Variants in DGKB observed in about 807,000 individuals in gnomAD.
DGKB encodes diacylglycerol kinase beta, also known as 90 kDa diacylglycerol kinase.
DGKB carries 67 observed loss-of-function variants against 114.3 expected under a neutral mutation model. The ratio of observed to expected loss-of-function variants is 0.59; its 90% confidence interval spans 0.48 to 0.72. The LOEUF (loss-of-function observed/expected upper bound fraction) is 0.72, where lower values mean the gene tolerates loss of function less well. Ranked by LOEUF, DGKB falls within the 30% of genes least tolerant of loss-of-function variation. The pLI, the probability that DGKB is intolerant of heterozygous loss-of-function variation, is 0.00. For missense variants in DGKB, 907 were observed against 975.2 expected (o/e 0.93, Z 0.93); for synonymous variants, 398 against 323.1 (o/e 1.23, Z -2.49).
chr7:14,915,681 G>GA (rs138027578), intron 1 of DGKB, among the ~76,000 whole-genome samples: 2 of 151,894 alleles, frequency 1.3e-5, no homozygotes, highest in Non-Finnish European at 2.9e-5. Context: ...AGTGTGGAAA[G>GA]AAAAAAACCC....
At chr7:14,739,676 C>A in intron 4 of DGKB, among the ~76,000 whole-genome samples, 1 of 152,082 alleles carries the variant, frequency 6.6e-6, no homozygotes, top group Middle Eastern at 3.2e-3. Flanking sequence ...ACCCAAGAAT[C>A]TCTTTCACTT....
At chr7:14,878,770 A>C (rs1414704731) in intron 1 of DGKB, among the ~76,000 whole-genome samples, 194 of 140,178 alleles carry the variant, frequency 1.4e-3, no homozygotes, top group Non-Finnish European at 2.1e-3. Context: ...AAAAAAAAAC[A>C]AAAAAAAAAA....
intron 21 of DGKB, among the ~76,000 whole-genome samples, chr7:14,382,206 G>A (rs1047746333): frequency 6.6e-6 from 1 of 152,146 alleles, no homozygotes; most frequent in Non-Finnish European, 1.5e-5. Context: ...ATTAGAAGAG[G>A]AGACTGGGGA....
chr7:14,363,048 C>T (rs1282564312), intron 21 of DGKB, among the ~76,000 whole-genome samples: 1 of 152,062 alleles, frequency 6.6e-6, no homozygotes, highest in Non-Finnish European at 1.5e-5. Context: ...CATGAGACCT[C>T]CATGTTAATA....
At chr7:14,313,259 GCGGGGAGGA>G (rs1007006372) in intron 23 of DGKB, among the ~76,000 whole-genome samples, 1 of 145,180 alleles carries the variant, frequency 6.9e-6, no homozygotes, top group Non-Finnish European at 1.5e-5. Flanking sequence ...ACAACATATT[GCGGGGAGGA>G]GCCAAGATGG....
chr7:14,858,647 T>C (rs1850521680), intron 1 of DGKB, among the ~76,000 whole-genome samples: 1 of 152,038 alleles, frequency 6.6e-6, no homozygotes, highest in Non-Finnish European at 1.5e-5. Flanking sequence ...TGAGGGATAT[T>C]AAGTTGTCAC....
intron 2 of DGKB, among the ~76,000 whole-genome samples, chr7:14,790,064 T>G (rs1840448017): frequency 6.6e-6 from 1 of 152,240 alleles, no homozygotes; most frequent in African/African-American, 2.4e-5. Flanking sequence ...GCTTTCCATG[T>G]GCTTATTTAC....
intron 12 of DGKB, among the ~76,000 whole-genome samples, chr7:14,674,476 G>A (rs1259072874): frequency 6.6e-6 from 1 of 152,124 alleles, no homozygotes; most frequent in African/African-American, 2.4e-5. Context: ...CTTAGAATCT[G>A]CCATGGCCAT....
chr7:14,763,036 A>T (rs998535270), intron 2 of DGKB, among the ~76,000 whole-genome samples: 24 of 152,050 alleles, frequency 1.6e-4, no homozygotes, highest in African/African-American at 5.1e-4. Context: ...TCAAAATATG[A>T]TCCAAATCTA....
At chr7:14,310,606 T>C (rs1294015143) in intron 23 of DGKB, among the ~76,000 whole-genome samples, 1 of 152,204 alleles carries the variant, frequency 6.6e-6, no homozygotes, top group East Asian at 1.9e-4. Flanking sequence ...TCCACAACTC[T>C]CTATCTTTTG....
intron 13 of DGKB, among the ~76,000 whole-genome samples, chr7:14,630,700 T>C (rs1024588957): frequency 2.0e-5 from 3 of 152,098 alleles, no homozygotes; most frequent in Admixed American, 1.3e-4. Context: ...ATGATGTTCA[T>C]TTTGTTTTGT....
intron 23 of DGKB, among the ~76,000 whole-genome samples, chr7:14,275,575 T>C (rs955615352): frequency 6.6e-5 from 10 of 152,212 alleles, no homozygotes; most frequent in African/African-American, 2.4e-4. Context: ...GTGGAACTTT[T>C]AATAGCGCCA....
intron 1 of DGKB, among the ~76,000 whole-genome samples, chr7:14,928,460 C>A (rs1005950155): frequency 3.3e-5 from 5 of 151,766 alleles, no homozygotes; most frequent in African/African-American, 1.2e-4. Context: ...TACAGAATTT[C>A]TCTGTTCTTT....
At chr7:14,908,382 C>A (rs1278679114) in intron 1 of DGKB, among the ~76,000 whole-genome samples, 2 of 152,108 alleles carry the variant, frequency 1.3e-5, no homozygotes, top group South Asian at 2.1e-4. Flanking sequence ...CAGAGCCCTG[C>A]ACACAGAAGG....
At chr7:14,189,719 G>A (rs73271752) in intron 23 of DGKB, among the ~76,000 whole-genome samples, 3,925 of 152,100 alleles carry the variant, frequency 0.026, 57 homozygotes, top group Admixed American at 0.033. Context: ...AAGATATTCC[G>A]TGCAAACAAA....
In DGKB at chr7:14,832,036, C is replaced by T. The variant is rs547044482; in HGVS notation, c.70+9158G>A. 4.6e-5 allele frequency among the ~76,000 whole-genome samples: 7 copies of T among 151,978 alleles called. No individual in the cohort carries two copies. In the South Asian group the frequency reaches 1.2e-3, roughly 27 times the overall value. On this transcript the variant is annotated intron_variant, in intron 2 of 25. Transcript: ENST00000402815. Reference sequence around the variant, plus strand: ...ACTCAGTACATCCTAATAATAACAACGAAAGCAATAATTAACTTACATATG... The same window carrying T: ...ACTCAGTACATCCTAATAATAACAATGAAAGCAATAATTAACTTACATATG...
chr7:14,769,127 G>GAAAGAAAGAAAGAA (rs1253652417), intron 2 of DGKB, among the ~76,000 whole-genome samples: 18 of 63,550 alleles, frequency 2.8e-4, no homozygotes, highest in Admixed American at 1.0e-3. Flanking sequence ...GAAAGAAAGA[G>GAAAGAAAGAAAGAA]AGAGAGAGAA....
intron 21 of DGKB, among the ~76,000 whole-genome samples, chr7:14,394,037 G>C (rs932088781): frequency 1.3e-5 from 2 of 151,852 alleles, no homozygotes; most frequent in East Asian, 3.9e-4. Context: ...ATCTTAAATA[G>C]CACAAAATTA....
intron 13 of DGKB, among the ~76,000 whole-genome samples, chr7:14,649,273 C>T (rs947291734): frequency 4.0e-5 from 6 of 151,380 alleles, no homozygotes; most frequent in African/African-American, 1.2e-4. Context: ...CAAAGGGAAG[C>T]CCATCAGACT....
Sources: allele counts gnomAD v4.1 joint callset (sites outside exome capture counted in the v4.1 genomes callset), GRCh38; gene constraint gnomAD v4.1.1; transcripts MANE v1.5; gene names NCBI Gene and HGNC (gene_info 2026-07-23, HGNC 2026-07-21).